Variants in GPR149 observed in about 807,000 individuals in gnomAD.
GPR149 encodes probable G protein-coupled receptor 149.
GPR149 carries 50 observed loss-of-function variants against 50.2 expected under a neutral mutation model. The ratio of observed to expected loss-of-function variants is 1.00; its 90% CI spans 0.79 to 1.26. The LOEUF is 1.26. GPR149 is among the 50% of genes most tolerant of loss of function. GPR149 has a pLI of 0.00. For synonymous variants in GPR149, 405 were observed against 358.2 expected, an observed-to-expected ratio of 1.13 and a Z score of -1.48; for missense variants, 983 against 895.4, an observed-to-expected ratio of 1.10 and a Z score of -1.25.
At chr3:154,413,643 T>TAA (rs35582545) in intron 3 of GPR149, among the ~76,000 whole-genome samples, 8,358 of 148,146 alleles carry the variant, frequency 0.056, 672 homozygotes, top group African/African-American at 0.18. Flanking sequence ...GATTATAAAA[T>TAA]AAAAAAAAAA....
rs1020998694 is a variant in GPR149 at position 154,338,700 on chromosome 3, C to CT, written c.1624-430dup. ...ATGTAGACTGTGTTATCAACATGAA[C>CT]TTTTTTTTTCTGTTTAGTATGCCAA... On this transcript the variant is annotated intron_variant, in intron 3 of 3. Transcript: ENST00000389740. Among the ~76,000 whole-genome samples the CT allele has an allele frequency of 1.3e-4, 19 of 151,676 alleles. 1 individual carries two copies. The highest frequency in any genetic ancestry group is 1.1e-3 in the Admixed American group (16 of 15,236).
intron 3 of GPR149, among the ~76,000 whole-genome samples, chr3:154,372,011 C>T (rs1236401267): frequency 1.4e-5 from 2 of 145,258 alleles, no homozygotes; most frequent in African/African-American, 5.1e-5. Flanking sequence ...CTCTGACTAG[C>T]CTAAAAAGTT....
intron 3 of GPR149, among the ~76,000 whole-genome samples, chr3:154,381,521 A>G (rs1446107929): frequency 1.3e-5 from 2 of 152,222 alleles, no homozygotes; most frequent in African/African-American, 2.4e-5. Context: ...AAATTAATAC[A>G]GCTCTGTTAG....
intron 2 of GPR149, among the ~76,000 whole-genome samples, chr3:154,422,398 A>G (rs1470388225): frequency 6.6e-6 from 1 of 151,696 alleles, no homozygotes; most frequent in Non-Finnish European, 1.5e-5. Context: ...GGTAGACAAG[A>G]TATAATTTAA....
intron 3 of GPR149, among the ~76,000 whole-genome samples, chr3:154,377,770 T>A (rs1714827322): frequency 6.6e-6 from 1 of 152,136 alleles, no homozygotes; most frequent in East Asian, 1.9e-4. Context: ...AGTAAATTTA[T>A]AGAGTTGTGA....
At chr3:154,341,896 A>G (rs1051980556) in intron 3 of GPR149, among the ~76,000 whole-genome samples, 4 of 152,198 alleles carry the variant, frequency 2.6e-5, no homozygotes, top group African/African-American at 7.2e-5. Flanking sequence ...AAGTAGATAT[A>G]GTATACCCTG....
chr3:154,352,098 A>G (rs1364487621), intron 3 of GPR149: 1 of 634,096 alleles, frequency 1.6e-6, no homozygotes, highest in Non-Finnish European at 2.5e-6. Context: ...TTAGGCACAA[A>G]TAGGCAAGTT....
intron 3 of GPR149, among the ~76,000 whole-genome samples, chr3:154,367,597 A>G (rs1224399375): frequency 6.6e-6 from 1 of 152,164 alleles, no homozygotes; most frequent in Non-Finnish European, 1.5e-5. Context: ...TTCCCTCCTT[A>G]AAGAGTTTAA....
At chr3:154,421,521 G>T in intron 2 of GPR149, 34 bp from the exon 3 acceptor site, 1 of 1,178,326 alleles carries the variant, frequency 8.5e-7, no homozygotes, top group Non-Finnish European at 1.2e-6. Context: ...TTTATGGCTA[G>T]TAAGGTAGAT....
intron 2 of GPR149, among the ~76,000 whole-genome samples, chr3:154,427,234 G>A (rs1405320551): frequency 1.3e-5 from 2 of 151,864 alleles, no homozygotes; most frequent in African/African-American, 4.8e-5. Flanking sequence ...TTGTTGACAT[G>A]GTGTGCTGAA....
intron 3 of GPR149, among the ~76,000 whole-genome samples, chr3:154,381,817 G>GA (rs1714935270): frequency 2.1e-5 from 2 of 96,308 alleles, no homozygotes; most frequent in Non-Finnish European, 4.5e-5. Context: ...ATTGAATTTG[G>GA]TGATGTGCAC....
chr3:154,364,589 A>G (rs1714487640), intron 3 of GPR149, among the ~76,000 whole-genome samples: 1 of 152,256 alleles, frequency 6.6e-6, no homozygotes, highest in Non-Finnish European at 1.5e-5. Flanking sequence ...AGACATTTTC[A>G]TCTCAAAAGG....
At chr3:154,349,749 T>C (rs1714022748) in intron 3 of GPR149, among the ~76,000 whole-genome samples, 2 of 152,120 alleles carry the variant, frequency 1.3e-5, no homozygotes, top group South Asian at 4.1e-4. Flanking sequence ...TAAACCTAGT[T>C]TTACCCTAAT....
At chr3:154,391,300 A>T (rs2108412597) in intron 3 of GPR149, among the ~76,000 whole-genome samples, 1 of 148,440 alleles carries the variant, frequency 6.7e-6, no homozygotes, top group African/African-American at 2.5e-5. Context: ...CAAGAACATA[A>T]CGTGTGTGGG....
Position 154,429,500 on chromosome 3 carries a change from A to G in GPR149, c.116T>C (p.Leu39Ser), listed in dbSNP as rs770276985. ...PGTLNIYLFCLTCLMTFAALV... is the reference protein window; with the variant it reads ...PGTLNIYLFCSTCLMTFAALV... ...GGCTGCAAAAGTCATGAGACATGTC[A>G]AGCAAAAAAGATAGATATTCAGGGT... Residue 39 changes from leucine (L) to serine (S), a missense_variant, in exon 1 of 4, where the codon TTG becomes TCG. Coordinates refer to ENST00000389740, the MANE Select transcript of GPR149 (RefSeq NM_001038705.3). 5.6e-6 allele frequency: 9 copies of G among 1,614,216 alleles called. No homozygotes were observed. Among genetic ancestry groups the G allele is most frequent in the Non-Finnish European group, 6.8e-6 (8 of 1,180,032 alleles).
intron 3 of GPR149, among the ~76,000 whole-genome samples, chr3:154,347,464 C>A (rs762684928): frequency 6.6e-6 from 1 of 152,152 alleles, no homozygotes; most frequent in Non-Finnish European, 1.5e-5. Flanking sequence ...GGGGTAACTG[C>A]CCCCATGATT....
chr3:154,422,797 C>A (rs945124987), intron 2 of GPR149, among the ~76,000 whole-genome samples: 1 of 151,682 alleles, frequency 6.6e-6, no homozygotes, highest in African/African-American at 2.4e-5. Flanking sequence ...TTTTACTGAC[C>A]TTTTCTAGTA....
chr3:154,374,295 C>T (rs1424332782), intron 3 of GPR149, among the ~76,000 whole-genome samples: 2 of 151,216 alleles, frequency 1.3e-5, no homozygotes, highest in African/African-American at 4.9e-5. Context: ...GTGCCTGAGC[C>T]TTCTGAGTAG....
At chr3:154,361,764 C>A (rs773119887) in intron 3 of GPR149, among the ~76,000 whole-genome samples, 1 of 152,036 alleles carries the variant, frequency 6.6e-6, no homozygotes, top group Non-Finnish European at 1.5e-5. Flanking sequence ...TAAAAGTATT[C>A]GAGGAACATT....
Sources: gnomAD v4.1 joint callset for allele counts (sites outside exome capture counted in the v4.1 genomes callset) on GRCh38, gnomAD v4.1.1 for gene constraint, MANE v1.5 for transcripts, NCBI Gene and HGNC (gene_info 2026-07-23, HGNC 2026-07-21) for gene names.